Variants in SCNN1D observed in about 807,000 individuals in gnomAD.
SCNN1D encodes the protein epithelial sodium channel subunit delta.
In SCNN1D, 104 loss-of-function variants were observed where a neutral mutation model predicts 87.8. The ratio of observed to expected loss-of-function variants is 1.18; its 90% confidence interval spans 1.01 to 1.39. The LOEUF is 1.39. SCNN1D is among the 40% of genes most tolerant of loss of function. The probability of loss-of-function intolerance (pLI) is 0.00; values close to 1 mark genes in which losing one functional copy is unlikely to be tolerated. For missense variants in SCNN1D, 1,324 were observed against 1,093.9 expected, an observed-to-expected ratio of 1.21 and a Z score of -2.97; for synonymous variants, 628 against 481.2, an observed-to-expected ratio of 1.31 and a Z score of -3.99.
rs1239813890 is a variant in SCNN1D at position 1,290,893 on chromosome 1, A to T, written c.1918-2A>T. The T allele has an allele frequency of 1.2e-6, 2 of 1,610,190 alleles. No individual in the cohort carries two copies. Among genetic ancestry groups the T allele is most frequent in the South Asian group, 2.2e-5 (2 of 90,692 alleles). ...TGGCCACAGCAAACCTTCCGTCTGC[A>T]GGGATGGACTCTGGCCACGCTAGGT... On this transcript the variant is annotated splice_acceptor_variant, in intron 15 of 17. Transcript: ENST00000379116. LOFTEE classifies it high-confidence loss of function.
In SCNN1D at chr1:1,280,784, G is replaced by C. The variant is rs1640453922; in HGVS notation, c.5+118G>C. 3 of 651,290 alleles carry C rather than the reference G, an allele frequency of 4.6e-6. No individual in the cohort carries two copies. In the South Asian group the frequency reaches 4.9e-5, roughly 11 times the overall value. 40.3% of individuals were successfully genotyped at this position (651,290 alleles called of 1,614,324 possible). ...TTCAGGGCTTATAATTTTATTTTTGGTTTATGAGGGAACCTAGAAGGCAGC... is the reference window on the plus strand; with the variant it reads ...TTCAGGGCTTATAATTTTATTTTTGCTTTATGAGGGAACCTAGAAGGCAGC... On this transcript the variant is annotated intron_variant, in intron 1 of 17. Coordinates refer to ENST00000379116, the MANE Select transcript of SCNN1D (RefSeq NM_001130413.4).
intron 5 of SCNN1D, among the ~76,000 whole-genome samples, 191 bp downstream of exon 5, chr1:1,284,281 C>T (rs1196671398): frequency 1.2e-5 from 1 of 81,580 alleles, no homozygotes; most frequent in Non-Finnish European, 2.3e-5. Context: ...GGGGGACCCG[C>T]CTCGAGGTAC....
intron 5 of SCNN1D, 37 bp from the exon 6 acceptor site, chr1:1,285,534 G>A (rs1302704523): frequency 7.3e-7 from 1 of 1,362,276 alleles, no homozygotes; most frequent in East Asian, 2.6e-5. Context: ...CCCCACGCGG[G>A]GCGCATGGAC....
rs868700548 is a variant in SCNN1D at position 1,290,160 on chromosome 1, T to C, written c.1663-111T>C. 1.6e-3 allele frequency: 692 copies of C among 441,556 alleles called. 14 individuals are homozygous for C. Among genetic ancestry groups the C allele is most frequent in the African/African-American group, 9.8e-3 (158 of 16,046 alleles). 27.4% of individuals were successfully genotyped at this position (441,556 alleles called of 1,614,324 possible). On this transcript the variant is annotated intron_variant, in intron 12 of 17. Coordinates refer to ENST00000379116, the MANE Select transcript of SCNN1D (RefSeq NM_001130413.4). ...TCTCTGCTCCGTCCCGTGTCTCTGCTCCGTCCCGTGTCCCTGCTCCGTCCC... is the reference window on the plus strand; with the variant it reads ...TCTCTGCTCCGTCCCGTGTCTCTGCCCCGTCCCGTGTCCCTGCTCCGTCCC...
Position 1,291,625 on chromosome 1 carries a change from G to T in SCNN1D, c.*15G>T. The T allele has an allele frequency of 6.7e-7, 1 of 1,500,208 alleles. No individual in the cohort carries two copies. Among genetic ancestry groups the T allele is most frequent in the African/African-American group, 1.4e-5 (1 of 71,430 alleles). The allele number at this position is 1,500,208 out of a possible 1,614,324, so 92.9% of individuals were successfully genotyped here. A position where few individuals can be genotyped will look rare whatever the true frequency, so the allele number is the denominator to read the frequency against. On this transcript the variant is annotated 3_prime_UTR_variant, in exon 18 of 18. Coordinates refer to ENST00000379116, the MANE Select transcript of SCNN1D (RefSeq NM_001130413.4). ...TGGACACCTGAACCAGACCTGCCAG[G>T]GCTGTGCGATCTCTTGGCCTGGTCC...
chr1:1,291,012 CT>C (rs1640793740), intron 16 of SCNN1D, 52 bp from the exon 17 acceptor site: 2 of 1,597,930 alleles, frequency 1.3e-6, no homozygotes, highest in Non-Finnish European at 1.7e-6. Context: ...CAAAGCCCCC[CT>C]CCCCATCATG....
At position 1,290,927 on chromosome 1, in the gene SCNN1D, G is replaced by T; in HGVS notation, c.1950G>T (p.Gly650=). ...CTCTGGCCACGCTAGGTGAACAGGG[G>T]CTGCCGCATCAGAGCCACAGACAGA... ...GWTLATLGEQ[G]LPHQSHRQRS... Residue 650 remains glycine, a synonymous_variant, in exon 16 of 18, where the codon GGG becomes GGT. Coordinates refer to ENST00000379116, the MANE Select transcript of SCNN1D (RefSeq NM_001130413.4). 2 of 1,609,596 alleles carry T rather than the reference G, an allele frequency of 1.2e-6. No individual in the cohort carries two copies. Among genetic ancestry groups the T allele is most frequent in the Non-Finnish European group, 1.7e-6 (2 of 1,178,768 alleles).
intron 11 of SCNN1D, 43 bp from the exon 12 acceptor site, chr1:1,287,896 G>A (rs752853697): frequency 2.6e-6 from 4 of 1,520,702 alleles, no homozygotes; most frequent in Non-Finnish European, 3.5e-6. Flanking sequence ...TGGGCTTTGG[G>A]GGGTGAGGGC....
chr1:1,290,506 C>T lies in SCNN1D; in HGVS notation c.1810C>T (p.Leu604=). 1 of 1,612,706 alleles carries T rather than the reference C, an allele frequency of 6.2e-7. No homozygotes were observed. The change falls in exon 14 of 18, where the codon CTG becomes TTG. Residue 604 remains leucine, a synonymous_variant. Coordinates refer to ENST00000379116, the MANE Select transcript of SCNN1D (RefSeq NM_001130413.4). ...GHCFYRLYQD[L]ETHRLPCTSR... ...CTGCTTCTACCGCCTCTACCAGGAC[C>T]TGGAGACCCACCGGCTCCCCTGTAC...
chr1:1,290,345 G>A lies in SCNN1D; in HGVS notation c.1737G>A (p.Pro579=), dbSNP rs151184625. ...GTGGCTACTACCTCCACCCTCTGCC[G>A]GCGGGGGCTGAGTACTGCAGCTCTG... The part of the protein sequence containing the change: ...CSCGYYLHPL[P]AGAEYCSSAR... The change falls in exon 13 of 18, where the codon CCG becomes CCA. Residue 579 remains proline (P), a synonymous_variant. Transcript: ENST00000379116. The A allele has an allele frequency of 2.9e-4, 458 of 1,596,100 alleles. 1 individual carries two copies. Among genetic ancestry groups the A allele is most frequent in the African/African-American group, 1.6e-3 (117 of 74,842 alleles).
chr1:1,291,130 C>T lies in SCNN1D; in HGVS notation c.2042C>T (p.Pro681Leu). 1 of 1,611,958 alleles carries T rather than the reference C, an allele frequency of 6.2e-7. No homozygotes were observed. The highest frequency in any genetic ancestry group is 8.5e-7 in the Non-Finnish European group (1 of 1,179,640). Residue 681 changes from proline to leucine, a missense_variant, in exon 17 of 18, where the codon CCC becomes CTC. Transcript: ENST00000379116. The part of the protein sequence containing the change: ...ELNYRSVEEA[P>L]VYSVPQLLSA... ...AACTACCGCTCAGTGGAGGAGGCGC[C>T]CGTGTACTCGGTGAGCCTTGGCCCC... is the stretch of plus-strand genomic sequence containing the variant.
At chr1:1,284,753 AC>A (rs1227689136) in intron 5 of SCNN1D, among the ~76,000 whole-genome samples, 4 of 152,046 alleles carry the variant, frequency 2.6e-5, no homozygotes, top group Non-Finnish European at 4.4e-5. Context: ...GCCACATGGC[AC>A]GACGCAGATC....
intron 12 of SCNN1D, 93 bp from the exon 13 acceptor site, chr1:1,290,178 T>A: frequency 1.5e-6 from 1 of 661,658 alleles, no homozygotes; most frequent in Non-Finnish European, 2.3e-6. Flanking sequence ...GTGTCCCTGC[T>A]CCGTCCCGTG....
chr1:1,290,310 A>G lies in SCNN1D; in HGVS notation c.1702A>G (p.Thr568Ala), dbSNP rs935666068. The G allele has an allele frequency of 6.3e-7, 1 of 1,588,836 alleles. No individual in the cohort carries two copies. The highest frequency in any genetic ancestry group is 1.7e-5 in the Admixed American group (1 of 58,616). ...VSCFQQLMVE[T>A]CSCGYYLHPL... ...CTGCTTCCAGCAGCTGATGGTGGAG[A>G]CCTGCTCCTGTGGCTACTACCTCCA... The change falls in exon 13 of 18, where the codon ACC (threonine) becomes GCC (alanine). Residue 568 changes from threonine to alanine, a missense_variant. Transcript: ENST00000379116.
intron 4 of SCNN1D, 46 bp downstream of exon 4, chr1:1,282,361 CCTGTGGGG>C (rs1640487180): frequency 6.5e-7 from 1 of 1,545,338 alleles, no homozygotes; most frequent in Non-Finnish European, 8.7e-7. Flanking sequence ...GCTGCTGGAC[CCTGTGGGG>C]CTGGGCTCCC....
chr1:1,281,464 G>A lies in SCNN1D; in HGVS notation c.131G>A (p.Gly44Asp). 6.6e-7 allele frequency: 1 copy of A among 1,521,620 alleles called. No homozygotes were observed. The highest frequency in any genetic ancestry group is 8.8e-7 in the Non-Finnish European group (1 of 1,139,212). The allele number at this position is 1,521,620 out of a possible 1,614,324, so 94.3% of individuals were successfully genotyped here. A position where few individuals can be genotyped will look rare whatever the true frequency, so the allele number is the denominator to read the frequency against. The change falls in exon 3 of 18, where the codon GGT becomes GAT. Residue 44 changes from glycine (G) to aspartate (D), a missense_variant. Transcript: ENST00000379116. ...AGGACCCCCACATGCCGGGAGCTGG[G>A]TTCGCCCCACCCCACCCCCTGCACC... ...DHRTPTCREL[G>D]SPHPTPCTGP...
At chr1:1,287,350 G>A (rs937647866) in intron 9 of SCNN1D, 51 bp downstream of exon 9, 2 of 1,514,814 alleles carry the variant, frequency 1.3e-6, no homozygotes, top group African/African-American at 1.4e-5. Flanking sequence ...CACAGAGCGT[G>A]GCCGCACCCC....
intron 12 of SCNN1D, among the ~76,000 whole-genome samples, 200 bp downstream of exon 12, chr1:1,288,237 TCCCGTGTCTCTGCTCC>T (rs1640659959): frequency 2.7e-5 from 3 of 111,248 alleles, no homozygotes; most frequent in African/African-American, 4.3e-5. Flanking sequence ...CTCTGCTCCG[TCCCGTGTCTCTGCTCC>T]GTCCCGTGTC....
Position 1,291,248 on chromosome 1 carries a change from C to A in SCNN1D, c.2053-6C>A. The A allele has an allele frequency of 1.3e-6, 2 of 1,555,710 alleles. No individual in the cohort carries two copies. The highest frequency in any genetic ancestry group is 2.3e-5 in the East Asian group (1 of 42,788). On this transcript the variant is annotated splice_polypyrimidine_tract_variant and splice_region_variant and intron_variant, in intron 17 of 17. Transcript: ENST00000379116. ...CCCGCCCCTCACACCCGCACCCCAC[C>A]CGCAGGTGCCGCAGCTGCTCTCGGC... is the stretch of plus-strand genomic sequence containing the variant.
Sources: gnomAD v4.1 joint callset for allele counts (sites outside exome capture counted in the v4.1 genomes callset) on GRCh38, gnomAD v4.1.1 for gene constraint, MANE v1.5 for transcripts, NCBI Gene and HGNC (gene_info 2026-07-23, HGNC 2026-07-21) for gene names.